The following SLC4A7 variants were observed in gnomAD, a reference collection of about 807,000 sequenced individuals.
The protein encoded by SLC4A7 is sodium bicarbonate cotransporter 3.
Under a neutral mutation model 137.6 loss-of-function variants are expected in SLC4A7, and 51 were observed. That is an observed-to-expected ratio of 0.37 (90% CI 0.30 to 0.47). The LOEUF is 0.47. Ranked by LOEUF, SLC4A7 falls within the 20% of genes least tolerant of loss-of-function variation. SLC4A7 has a pLI of 1.00. For synonymous variants in SLC4A7, 542 were observed against 518.6 expected, an observed-to-expected ratio of 1.05 and a Z score of -0.61; for missense variants, 1,247 against 1,525.4, an observed-to-expected ratio of 0.82 and a Z score of 3.04.
intron 9 of SLC4A7, 52 bp downstream of exon 9, chr3:27,421,570 C>T: frequency 2.1e-6 from 3 of 1,411,980 alleles, no homozygotes; most frequent in Middle Eastern, 3.7e-4. Context: ...GGATTAAAAA[C>T]TTGTAGATTT....
rs143806109 is a variant in SLC4A7 at position 27,444,407 on chromosome 3, T to A, written c.289+4244A>T. 5.9e-5 allele frequency among the ~76,000 whole-genome samples: 9 copies of A among 151,986 alleles called. 1 individual carries two copies. The stretch of plus-strand genomic sequence containing the variant: ...CTATAATTTTTTCAAGTATCTTTTC[T>A]GATATCCTCCTTTCTGGGATTCCGC... On this transcript the variant is annotated intron_variant, in intron 3 of 25. Transcript: ENST00000454389.
At chr3:27,413,870 C>T (rs4973773) in intron 11 of SLC4A7, among the ~76,000 whole-genome samples, 140,793 of 152,254 alleles carry the variant, frequency 0.92, 65,222 homozygotes, top group East Asian at 1. Flanking sequence ...AATTAGACAA[C>T]AGAAAACAAT....
chr3:27,450,474 A>G (rs1455909559), intron 2 of SLC4A7, among the ~76,000 whole-genome samples: 2 of 152,102 alleles, frequency 1.3e-5, no homozygotes, highest in Admixed American at 6.5e-5. Context: ...AAATATAAAA[A>G]AACTCAATTT....
rs573407118 is a variant in SLC4A7, at chr3:27,461,802, A to C, written c.61-9304T>G. On this transcript the variant is annotated intron_variant, in intron 1 of 25. Transcript: ENST00000454389. ...TGGTGAAACCCCATCTCCACCAAAA[A>C]AAAAAAAAAATTAGCCGGGCACTGT... Among the ~76,000 whole-genome samples the C allele has an allele frequency of 1.8e-4, 27 of 151,730 alleles. 1 individual carries two copies. In the East Asian group the frequency reaches 5.1e-3, roughly 28 times the overall value.
intron 7 of SLC4A7, among the ~76,000 whole-genome samples, chr3:27,425,420 T>C (rs796720728): frequency 2.6e-4 from 37 of 142,710 alleles, no homozygotes; most frequent in African/African-American, 9.6e-4. Context: ...CTCACCCCTG[T>C]AATCCCAGCA....
intron 1 of SLC4A7, among the ~76,000 whole-genome samples, chr3:27,464,443 C>A (rs1247589497): frequency 6.6e-6 from 1 of 152,030 alleles, no homozygotes; most frequent in Non-Finnish European, 1.5e-5. Flanking sequence ...AGCGGTAGCT[C>A]ACGCCAGTAA....
chr3:27,428,419 A>C (rs988441557), intron 7 of SLC4A7: 1 of 154,306 alleles, frequency 6.5e-6, no homozygotes, highest in Non-Finnish European at 1.5e-5. Context: ...ACAAACTATA[A>C]AACAATGGCA....
At chr3:27,423,402 A>G (rs892481031) in intron 8 of SLC4A7, among the ~76,000 whole-genome samples, 1 of 152,258 alleles carries the variant, frequency 6.6e-6, no homozygotes, top group Non-Finnish European at 1.5e-5. Context: ...CTCATAAAGT[A>G]CATTTTACAT....
intron 1 of SLC4A7, among the ~76,000 whole-genome samples, chr3:27,465,159 C>T (rs2058914513): frequency 6.6e-6 from 1 of 151,606 alleles, no homozygotes; most frequent in African/African-American, 2.4e-5. Context: ...ATTATCCAGG[C>T]GTGCCTGTAA....
At chr3:27,474,383 G>A (rs1214435064) in intron 1 of SLC4A7, among the ~76,000 whole-genome samples, 1 of 152,136 alleles carries the variant, frequency 6.6e-6, no homozygotes, top group Non-Finnish European at 1.5e-5. Context: ...TTAGTGATCA[G>A]TACTCTATTC....
At chr3:27,478,847 AAAAG>A (rs1249964150) in intron 1 of SLC4A7, among the ~76,000 whole-genome samples, 1 of 150,870 alleles carries the variant, frequency 6.6e-6, no homozygotes, top group East Asian at 2.0e-4. Flanking sequence ...AAAAAAAAAA[AAAAG>A]AGAGAGAGGG....
intron 15 of SLC4A7, chr3:27,401,122 AT>A: frequency 3.6e-6 from 1 of 281,406 alleles, no homozygotes; most frequent in Non-Finnish European, 6.6e-6. Context: ...TGAGGGCACT[AT>A]TTTACTTAAA....
At chr3:27,437,946 C>G (rs1023473866) in intron 3 of SLC4A7, among the ~76,000 whole-genome samples, 1 of 152,164 alleles carries the variant, frequency 6.6e-6, no homozygotes. Context: ...CCTGTAATCC[C>G]AGCACTTTGA....
intron 3 of SLC4A7, among the ~76,000 whole-genome samples, chr3:27,440,936 T>C (rs2057141589): frequency 6.6e-6 from 1 of 151,890 alleles, no homozygotes; most frequent in Non-Finnish European, 1.5e-5. Flanking sequence ...TCCTAGCTAC[T>C]TGGGAGGCTG....
At chr3:27,451,941 C>T (rs146430776) in intron 2 of SLC4A7, among the ~76,000 whole-genome samples, 1 of 152,042 alleles carries the variant, frequency 6.6e-6, no homozygotes, top group Non-Finnish European at 1.5e-5. Flanking sequence ...AAACCATTTG[C>T]CAGGACTTCT....
Position 27,434,114 on chromosome 3 carries a change from GAA to G in SLC4A7, c.590-12_590-11del. The stretch of plus-strand genomic sequence containing the variant: ...TTGTCTAATACCATATCTATTCAAT[GAA>G]AAAAAAAATAAATTACTAAACACTC... On this transcript the variant is annotated splice_polypyrimidine_tract_variant and intron_variant, in intron 5 of 25. Transcript: ENST00000454389. 4 of 1,440,094 alleles carry G rather than the reference GAA, an allele frequency of 2.8e-6. No individual in the cohort carries two copies. The highest frequency in any genetic ancestry group is 3.7e-6 in the Non-Finnish European group (4 of 1,072,134). The allele number at this position is 1,440,094 out of a possible 1,614,324, so 89.2% of individuals were successfully genotyped here.
At chr3:27,469,652 CTG>C (rs2059153241) in intron 1 of SLC4A7, among the ~76,000 whole-genome samples, 1 of 152,084 alleles carries the variant, frequency 6.6e-6, no homozygotes, top group African/African-American at 2.4e-5. Flanking sequence ...ACTCAGGAGG[CTG>C]AGGCAGGAGA....
At chr3:27,378,376 C>T (rs926480519) in intron 25 of SLC4A7, among the ~76,000 whole-genome samples, 13 of 152,072 alleles carry the variant, frequency 8.5e-5, no homozygotes, top group African/African-American at 2.4e-4. Flanking sequence ...TATACAGACA[C>T]CCAACATAGC....
At chr3:27,390,527 C>G (rs2051431744) in intron 21 of SLC4A7, among the ~76,000 whole-genome samples, 1 of 152,148 alleles carries the variant, frequency 6.6e-6, no homozygotes, top group African/African-American at 2.4e-5. Flanking sequence ...AATTACAATT[C>G]TTCACTAATT....
Sources: allele counts gnomAD v4.1 joint callset (sites outside exome capture counted in the v4.1 genomes callset), GRCh38; gene constraint gnomAD v4.1.1; transcripts MANE v1.5; gene names NCBI Gene and HGNC (gene_info 2026-07-23, HGNC 2026-07-21).